RABL6: variants seen among roughly 807,000 people sequenced by gnomAD.
RABL6 encodes RAB, member RAS oncogene family like 6, also known as rab-like protein 6.
Under a neutral mutation model 72.9 loss-of-function variants are expected in RABL6, and 28 were observed. That is an observed-to-expected ratio of 0.38 (90% CI 0.28 to 0.53). The LOEUF is 0.53. RABL6 is among the 20% of genes least tolerant of loss of function. The pLI is 0.80. For synonymous variants in RABL6, 477 were observed against 421.2 expected (o/e 1.13, Z -1.62); for missense variants, 1,029 against 1,008.4 (o/e 1.02, Z -0.28).
At chr9:136,822,951 G>C (rs1389504871) in intron 1 of RABL6, among the ~76,000 whole-genome samples, 1 of 152,158 alleles carries the variant, frequency 6.6e-6, no homozygotes, top group African/African-American at 2.4e-5. Context: ...AGCTGGACAT[G>C]GTGGCGGGCG....
intron 1 of RABL6, chr9:136,812,917 C>A: frequency 2.9e-6 from 1 of 345,972 alleles, no homozygotes; most frequent in South Asian, 2.7e-5. Flanking sequence ...CATCACAACC[C>A]CAAAGCCACC....
chr9:136,817,833 A>C (rs937715517), intron 1 of RABL6, among the ~76,000 whole-genome samples: 4 of 152,096 alleles, frequency 2.6e-5, no homozygotes, highest in Non-Finnish European at 4.4e-5. Flanking sequence ...AGGCTGAGGC[A>C]GGTGGATCAC....
In RABL6 at chr9:136,831,705, T is replaced by C. The variant is rs1223182027; in HGVS notation, c.459-16T>C. On this transcript the variant is annotated splice_polypyrimidine_tract_variant and intron_variant, in intron 5 of 14. Coordinates refer to ENST00000311502, the MANE Select transcript of RABL6 (RefSeq NM_024718.5). ...GCAGGGCTGAAACTAAGCCAGGTCC[T>C]CACCTGTTCTCCGAGGACCTTCAAT... 2 of 1,612,906 alleles carry C rather than the reference T, an allele frequency of 1.2e-6. No homozygotes were observed. The highest frequency in any genetic ancestry group is 1.7e-6 in the Non-Finnish European group (2 of 1,179,724).
chr9:136,828,634 C>CAGGCCTCACGGATAACCA, intron 4 of RABL6, 88 bp downstream of exon 4: 1 of 1,410,986 alleles, frequency 7.1e-7, no homozygotes. Flanking sequence ...CTTTTGACCC[C>CAGGCCTCACGGATAACCA]AACCACCCCA....
chr9:136,830,405 C>T (rs909208349), intron 5 of RABL6, among the ~76,000 whole-genome samples: 3 of 152,394 alleles, frequency 2.0e-5, no homozygotes, highest in Admixed American at 6.5e-5. Context: ...TCAGCACCAC[C>T]ACCAAGGACT....
intron 1 of RABL6, chr9:136,815,236 C>T: frequency 3.3e-6 from 1 of 305,694 alleles, no homozygotes; most frequent in Non-Finnish European, 6.4e-6. Flanking sequence ...GCTGCCAGTG[C>T]TTTGCCTGCT....
Position 136,835,852 on chromosome 9 carries a change from G to A in RABL6, c.809+7G>A. 1 of 1,550,632 alleles carries A rather than the reference G, an allele frequency of 6.4e-7. No individual in the cohort carries two copies. The highest frequency in any genetic ancestry group is 1.2e-5 in the South Asian group (1 of 84,084). On this transcript the variant is annotated splice_region_variant and intron_variant, in intron 8 of 14. Transcript: ENST00000311502. ...AGGACCAGAACTACGGCATGTATGTGGCCGGACCCGCCCGTGCGGGCGGTG... is the reference window on the plus strand; with the variant it reads ...AGGACCAGAACTACGGCATGTATGTAGCCGGACCCGCCCGTGCGGGCGGTG...
intron 1 of RABL6, chr9:136,815,490 A>G (rs1477341389): frequency 1.2e-5 from 3 of 256,574 alleles, no homozygotes; most frequent in African/African-American, 2.4e-5. Flanking sequence ...GGGAGCAGCC[A>G]TTTTCTTGGG....
chr9:136,837,665 A>G lies in RABL6; in HGVS notation c.1126+3A>G. On this transcript the variant is annotated splice_donor_region_variant and intron_variant, in intron 9 of 14. Transcript: ENST00000311502. ...CGAGGCAGCCCCTCCACCTCCAGGT[A>G]GGCCCTGGAGCTGCCCCTCCCAAAC... 6.3e-7 allele frequency: 1 copy of G among 1,577,918 alleles called. No homozygotes were observed. The highest frequency in any genetic ancestry group is 8.6e-7 in the Non-Finnish European group (1 of 1,163,318).
chr9:136,822,380 C>T (rs1004638672), intron 1 of RABL6, among the ~76,000 whole-genome samples: 6 of 152,102 alleles, frequency 3.9e-5, no homozygotes, highest in Admixed American at 2.6e-4. Context: ...ACGTGGAGGA[C>T]GGCCAGGGCT....
At chr9:136,822,053 A>G (rs751863653) in intron 1 of RABL6, 17 of 1,289,542 alleles carry the variant, frequency 1.3e-5, no homozygotes, top group Middle Eastern at 4.4e-4. Context: ...GACTGTGGGA[A>G]CAGGTGCCTT....
rs377637543 is a variant in RABL6, at chr9:136,839,360, G to A, written c.1632G>A (p.Pro544=). The A allele has an allele frequency of 7.8e-5, 125 of 1,612,620 alleles. 1 individual carries two copies. The Middle Eastern group carries it at 3.5e-3, about 45-fold the overall frequency. ...CCAGGCCCCCTGCTGAGATGGAGCC[G>A]GGGAAGGGTGAGCAGGCCTCCTCGT... The part of the protein sequence containing the change: ...SSTRPPAEME[P]GKGEQASSSE... The change falls in exon 12 of 15, where the codon CCG becomes CCA. Residue 544 remains proline (P), a synonymous_variant. Coordinates refer to ENST00000311502, the MANE Select transcript of RABL6 (RefSeq NM_024718.5).
chr9:136,820,533 G>A (rs1057188632), intron 1 of RABL6, among the ~76,000 whole-genome samples: 3 of 152,102 alleles, frequency 2.0e-5, no homozygotes, highest in Admixed American at 6.5e-5. Context: ...CACCACACCC[G>A]GCTAATTTTG....
intron 1 of RABL6, chr9:136,813,404 G>GT: frequency 1.1e-6 from 1 of 920,938 alleles, no homozygotes; most frequent in Non-Finnish European, 1.7e-6. Flanking sequence ...TTAAACCAGA[G>GT]TTTTTGATTC....
chr9:136,823,240 GTCC>G (rs2131176745), intron 1 of RABL6, among the ~76,000 whole-genome samples: 1 of 152,210 alleles, frequency 6.6e-6, no homozygotes. Context: ...GCAGAACCAC[GTCC>G]TCCAAGTAGA....
intron 5 of RABL6, 59 bp downstream of exon 5, chr9:136,829,543 C>A: frequency 1.4e-6 from 2 of 1,440,466 alleles, no homozygotes; most frequent in South Asian, 1.2e-5. Context: ...GCCCCTTGGG[C>A]GCCCTCTTTG....
chr9:136,829,797 C>T (rs1314745880), intron 5 of RABL6, among the ~76,000 whole-genome samples: 1 of 152,262 alleles, frequency 6.6e-6, no homozygotes, highest in African/African-American at 2.4e-5. Flanking sequence ...AAGCAAGTGG[C>T]TGCTTGTGCT....
intron 1 of RABL6, chr9:136,821,839 GGCTCGGCCGGGAGAA>G (rs1308223351): frequency 8.3e-7 from 1 of 1,202,504 alleles, no homozygotes; most frequent in African/African-American, 1.6e-5. Flanking sequence ...CCGCGGGGTG[GGCTCGGCCGGGAGAA>G]GCGCGGAGCC....
Position 136,808,135 on chromosome 9 carries a change from C to T in RABL6, c.-62C>T, listed in dbSNP as rs1359323516. On this transcript the variant is annotated 5_prime_UTR_variant, in exon 1 of 15. Transcript: ENST00000311502. ...CCGCCGGGACATGGTGCCAGTCGCACCCCTTCCCCGCCGCCGCTGAGCTCG... is the reference window on the plus strand; with the variant it reads ...CCGCCGGGACATGGTGCCAGTCGCATCCCTTCCCCGCCGCCGCTGAGCTCG... The T allele has an allele frequency of 2.8e-6, 4 of 1,450,632 alleles. No homozygotes were observed. The African/African-American group carries it at 4.5e-5, about 16-fold the overall frequency. 89.9% of individuals were successfully genotyped at this position (1,450,632 alleles called of 1,614,324 possible).
Sources: allele counts gnomAD v4.1 joint callset (sites outside exome capture counted in the v4.1 genomes callset), GRCh38; gene constraint gnomAD v4.1.1; transcripts MANE v1.5; gene names NCBI Gene and HGNC (gene_info 2026-07-23, HGNC 2026-07-21).